The following SCARB2 variants were observed in gnomAD, a reference collection of about 807,000 sequenced individuals.
SCARB2 encodes scavenger receptor class B member 2, also known as lysosome membrane protein 2.
SCARB2 carries 29 observed loss-of-function variants against 58.6 expected under a neutral mutation model. That is an observed-to-expected ratio of 0.49 (90% CI 0.37 to 0.67). The LOEUF is 0.67. SCARB2 is among the 30% of genes least tolerant of loss of function. The pLI, the probability that SCARB2 is intolerant of heterozygous loss-of-function variation, is 0.00. For missense variants in SCARB2, 488 were observed against 578.5 expected (o/e 0.84, Z 1.60); for synonymous variants, 195 against 210.1 (o/e 0.93, Z 0.62).
chr4:76,225,339 G>T (rs190664217), intron 1 of SCARB2, among the ~76,000 whole-genome samples: 1 of 152,158 alleles, frequency 6.6e-6, no homozygotes, highest in South Asian at 2.1e-4. Flanking sequence ...TATCATCAGC[G>T]AACAGTGACA....
At chr4:76,178,640 T>C (rs1476216040) in intron 4 of SCARB2, among the ~76,000 whole-genome samples, 1 of 152,168 alleles carries the variant, frequency 6.6e-6, no homozygotes, top group African/African-American at 2.4e-5. Flanking sequence ...GAAGCTGTAT[T>C]CCTCTGAGAC....
At chr4:76,225,598 C>T (rs56275416) in intron 1 of SCARB2, among the ~76,000 whole-genome samples, 3 of 152,152 alleles carry the variant, frequency 2.0e-5, no homozygotes, top group African/African-American at 4.8e-5. Flanking sequence ...AATCATAAAG[C>T]GATGCTGGAT....
At chr4:76,170,662 C>T (rs753838923) in intron 7 of SCARB2, among the ~76,000 whole-genome samples, 1 of 152,094 alleles carries the variant, frequency 6.6e-6, no homozygotes, top group Non-Finnish European at 1.5e-5. Flanking sequence ...GGACTACAGG[C>T]ATGCACCACC....
At chr4:76,200,887 T>C (rs1209208134) in intron 1 of SCARB2, among the ~76,000 whole-genome samples, 1 of 152,188 alleles carries the variant, frequency 6.6e-6, no homozygotes, top group Non-Finnish European at 1.5e-5. Context: ...GACAATACTG[T>C]ATGTAGGCTC....
chr4:76,191,487 T>C (rs62302659), intron 2 of SCARB2, among the ~76,000 whole-genome samples: 27,547 of 151,826 alleles, frequency 0.18, 2,705 homozygotes, highest in East Asian at 0.35. Context: ...GATCTGGCTG[T>C]TGTAAAGTGT....
At chr4:76,211,746 G>A (rs892125662) in intron 1 of SCARB2, among the ~76,000 whole-genome samples, 1 of 152,138 alleles carries the variant, frequency 6.6e-6, no homozygotes, top group African/African-American at 2.4e-5. Context: ...GCAGAATAGC[G>A]ATGTGTGACT....
chr4:76,211,167 T>C (rs1026939329), intron 1 of SCARB2, among the ~76,000 whole-genome samples: 1 of 152,212 alleles, frequency 6.6e-6, no homozygotes, highest in Non-Finnish European at 1.5e-5. Flanking sequence ...GCTTATACAA[T>C]TTGAAGGGTC....
intron 1 of SCARB2, among the ~76,000 whole-genome samples, chr4:76,230,664 G>A (rs953420969): frequency 2.0e-5 from 3 of 152,116 alleles, no homozygotes; most frequent in Admixed American, 6.5e-5. Context: ...AGGAAAGAGC[G>A]TCCTCTTTCC....
In SCARB2 at chr4:76,186,388, T is replaced by G. The variant is rs1732487797; in HGVS notation, c.276-5287A>C. 2.0e-5 allele frequency among the ~76,000 whole-genome samples: 3 copies of G among 152,084 alleles called. No homozygotes were observed. In the South Asian group the frequency reaches 6.3e-4, roughly 32 times the overall value. On this transcript the variant is annotated intron_variant, in intron 2 of 11. Transcript: ENST00000264896. ...AGACCATCACAGATCCAGGCGAGGC[T>G]GGGGTGATGAACACATCAACGTGAA...
At chr4:76,168,153 T>C (rs1732053851) in intron 9 of SCARB2, among the ~76,000 whole-genome samples, 1 of 152,244 alleles carries the variant, frequency 6.6e-6, no homozygotes, top group African/African-American at 2.4e-5. Flanking sequence ...TACAAGGTTA[T>C]ATGTGAATCC....
intron 2 of SCARB2, among the ~76,000 whole-genome samples, chr4:76,186,916 G>C (rs1185220068): frequency 6.6e-6 from 1 of 151,942 alleles, no homozygotes; most frequent in Non-Finnish European, 1.5e-5. Context: ...GAAAAGCGAG[G>C]CAAGTTTAGA....
chr4:76,207,355 A>G (rs1732949596), intron 1 of SCARB2, among the ~76,000 whole-genome samples: 1 of 152,202 alleles, frequency 6.6e-6, no homozygotes, highest in Non-Finnish European at 1.5e-5. Context: ...TGGGGTCCTC[A>G]ATAATTTTTA....
At chr4:76,180,064 C>CCACCGAGAT in intron 3 of SCARB2, 4 of 293,332 alleles carry the variant, frequency 1.4e-5, no homozygotes, top group South Asian at 1.3e-4. Context: ...ATAAACCCGA[C>CCACCGAGAT]CTACACCCCT....
chr4:76,196,449 T>C (rs1348964526), intron 1 of SCARB2, among the ~76,000 whole-genome samples: 2 of 152,224 alleles, frequency 1.3e-5, no homozygotes, highest in African/African-American at 4.8e-5. Context: ...TTCCAAAACC[T>C]AGGGCACAGA....
At chr4:76,203,443 T>A (rs1367926965) in intron 1 of SCARB2, among the ~76,000 whole-genome samples, 2 of 152,234 alleles carry the variant, frequency 1.3e-5, no homozygotes, top group African/African-American at 4.8e-5. Context: ...TGTTTAAGGT[T>A]TTCAGAAATC....
intron 1 of SCARB2, among the ~76,000 whole-genome samples, chr4:76,207,372 TG>T (rs1732949990): frequency 6.6e-6 from 1 of 152,214 alleles, no homozygotes; most frequent in African/African-American, 2.4e-5. Flanking sequence ...TTTAAGAATA[TG>T]AGGGGCCCAG....
chr4:76,211,760 C>T (rs987844668), intron 1 of SCARB2, among the ~76,000 whole-genome samples: 1 of 152,194 alleles, frequency 6.6e-6, no homozygotes, highest in Non-Finnish European at 1.5e-5. Context: ...TGTGACTTAC[C>T]TCTAATGACA....
rs1174258189 is a variant in SCARB2, at chr4:76,160,760, A to T, written c.*953T>A. Reference sequence around the variant, plus strand: ...TATGTGTAACTTAGGCTGTAGATAGATGGATTTCCCATATTCATAATTTTA... The same window carrying T: ...TATGTGTAACTTAGGCTGTAGATAGTTGGATTTCCCATATTCATAATTTTA... On this transcript the variant is annotated 3_prime_UTR_variant, in exon 12 of 12. Transcript: ENST00000264896. 6.6e-6 allele frequency: 1 copy of T among 152,234 alleles called. No individual in the cohort carries two copies. Among genetic ancestry groups the T allele is most frequent in the Non-Finnish European group, 1.5e-5 (1 of 68,034 alleles). 9.4% of individuals were successfully genotyped at this position (152,234 alleles called of 1,614,324 possible). A position where few individuals can be genotyped will look rare whatever the true frequency, so the allele number is the denominator to read the frequency against.
chr4:76,167,610 C>T (rs146042846), intron 9 of SCARB2, among the ~76,000 whole-genome samples: 3,804 of 151,434 alleles, frequency 0.025, 156 homozygotes, highest in African/African-American at 0.088. Context: ...GAACTGTAAG[C>T]CAATTAAATC....
Sources: gnomAD v4.1 joint callset for allele counts (sites outside exome capture counted in the v4.1 genomes callset) on GRCh38, gnomAD v4.1.1 for gene constraint, MANE v1.5 for transcripts, NCBI Gene and HGNC (gene_info 2026-07-23, HGNC 2026-07-21) for gene names.